The following SYT6 variants were observed in gnomAD, a reference collection of about 807,000 sequenced individuals.
SYT6 encodes synaptotagmin 6.
Under a neutral mutation model 38.4 loss-of-function variants are expected in SYT6, and 24 were observed. The observed-to-expected ratio is 0.62, with a 90% CI of 0.45 to 0.88. SYT6 has a LOEUF of 0.88. Ranked by LOEUF, SYT6 falls within the 40% of genes least tolerant of loss-of-function variation. SYT6 has a pLI of 0.00. For missense variants in SYT6, 611 were observed against 621.0 expected, an observed-to-expected ratio of 0.98 and a Z score of 0.17; for synonymous variants, 265 against 241.9, an observed-to-expected ratio of 1.10 and a Z score of -0.89.
At chr1:114,111,068 C>T (rs186299649) in intron 3 of SYT6, among the ~76,000 whole-genome samples, 1 of 152,142 alleles carries the variant, frequency 6.6e-6, no homozygotes, top group Non-Finnish European at 1.5e-5. Flanking sequence ...GGGCTCCCTC[C>T]TTGGAACTTT....
At chr1:114,139,594 A>G (rs764193970) in intron 2 of SYT6, 21 bp downstream of exon 2, 2 of 1,613,618 alleles carry the variant, frequency 1.2e-6, no homozygotes, top group East Asian at 4.5e-5. Context: ...GGGTCAGGGA[A>G]GGGAGTGGTC....
intron 1 of SYT6, among the ~76,000 whole-genome samples, chr1:114,142,035 C>T (rs561931966): frequency 6.6e-6 from 1 of 152,324 alleles, no homozygotes; most frequent in Non-Finnish European, 1.5e-5. Flanking sequence ...TGCAGATGTA[C>T]AAGGAGATAA....
intron 3 of SYT6, among the ~76,000 whole-genome samples, chr1:114,134,855 G>C (rs1678383406): frequency 6.6e-6 from 1 of 152,214 alleles, no homozygotes; most frequent in Non-Finnish European, 1.5e-5. Context: ...CATTGTGCTG[G>C]TATGGGAATT....
Position 114,089,406 on chromosome 1 carries a change from G to A in SYT6, c.*2728C>T, listed in dbSNP as rs933604342. 1.3e-5 allele frequency: 2 copies of A among 152,680 alleles called. No homozygotes were observed. Among genetic ancestry groups the A allele is most frequent in the African/African-American group, 2.4e-5 (1 of 41,440 alleles). The allele number at this position is 152,680 out of a possible 1,614,324, so 9.5% of individuals were successfully genotyped here. On this transcript the variant is annotated 3_prime_UTR_variant, in exon 8 of 8. Transcript: ENST00000610222. ...TTAAATGACAGTGCAATTAATTAACGTCCTGGGTAAGCGCAGAGGGGGAGG... is the reference window on the plus strand; with the variant it reads ...TTAAATGACAGTGCAATTAATTAACATCCTGGGTAAGCGCAGAGGGGGAGG...
intron 5 of SYT6, 72 bp from the exon 6 acceptor site, chr1:114,097,949 G>A (rs1452426865): frequency 6.4e-7 from 1 of 1,562,830 alleles, no homozygotes; most frequent in African/African-American, 1.4e-5. Context: ...AGTGTGGGGG[G>A]TGGTAGGACT....
intron 1 of SYT6, among the ~76,000 whole-genome samples, chr1:114,150,494 C>T (rs1679390327): frequency 6.6e-6 from 1 of 152,100 alleles, no homozygotes; most frequent in Non-Finnish European, 1.5e-5. Flanking sequence ...ATTTCATGGC[C>T]ACAAGTAAAC....
chr1:114,092,338 C>CTGTG (rs57240903), intron 7 of SYT6, among the ~76,000 whole-genome samples: 26 of 128,566 alleles, frequency 2.0e-4, no homozygotes, highest in South Asian at 6.9e-4. Context: ...CTCTCTCTCT[C>CTGTG]TGTGTGTGTG....
Position 114,090,000 on chromosome 1 carries a change from C to T in SYT6, c.*2134G>A, listed in dbSNP as rs1485355858. 2 of 152,362 alleles carry T rather than the reference C, an allele frequency of 1.3e-5. No individual in the cohort carries two copies. Among genetic ancestry groups the T allele is most frequent in the South Asian group, 2.1e-4 (1 of 4,826 alleles). 9.4% of individuals were successfully genotyped at this position (152,362 alleles called of 1,614,324 possible). A position where few individuals can be genotyped will look rare whatever the true frequency, so the allele number is the denominator to read the frequency against. ...GGTTAGAATGGGTTATACTCACCTG[C>T]CTAAGGGTTTAACGATGACAGCTGG... On this transcript the variant is annotated 3_prime_UTR_variant, in exon 8 of 8. Transcript: ENST00000610222.
At chr1:114,127,148 GC>G (rs1242429452) in intron 3 of SYT6, among the ~76,000 whole-genome samples, 1 of 152,208 alleles carries the variant, frequency 6.6e-6, no homozygotes, top group Non-Finnish European at 1.5e-5. Flanking sequence ...GAAACCTTTA[GC>G]CCCCTGGAGC....
chr1:114,128,165 C>T (rs1271734649), intron 3 of SYT6, among the ~76,000 whole-genome samples: 1 of 152,236 alleles, frequency 6.6e-6, no homozygotes, highest in Non-Finnish European at 1.5e-5. Flanking sequence ...GACTCAGGCA[C>T]ACCTTTACAC....
intron 3 of SYT6, among the ~76,000 whole-genome samples, chr1:114,106,110 G>T (rs1277852365): frequency 1.3e-5 from 2 of 152,130 alleles, no homozygotes; most frequent in African/African-American, 4.8e-5. Context: ...CTGCGGCAGG[G>T]GGCAGATCAG....
intron 3 of SYT6, among the ~76,000 whole-genome samples, chr1:114,120,608 T>C (rs1677329348): frequency 6.6e-6 from 1 of 152,254 alleles, no homozygotes; most frequent in Non-Finnish European, 1.5e-5. Context: ...TTTTTATTAC[T>C]TGCTGTGCAA....
chr1:114,130,043 C>A (rs1012991956), intron 3 of SYT6, among the ~76,000 whole-genome samples: 5 of 151,950 alleles, frequency 3.3e-5, no homozygotes, highest in Non-Finnish European at 7.4e-5. Flanking sequence ...TTTCTCTCTG[C>A]CTGGACCTCT....
At chr1:114,153,554 AG>A in intron 1 of SYT6, 55 bp downstream of exon 1, 1 of 571,600 alleles carries the variant, frequency 1.7e-6, no homozygotes, top group Non-Finnish European at 3.1e-6. Context: ...GCTTTGGGGA[AG>A]GGAGATCGCA....
intron 1 of SYT6, among the ~76,000 whole-genome samples, chr1:114,145,508 T>G (rs1327000930): frequency 2.6e-5 from 3 of 114,328 alleles, no homozygotes; most frequent in African/African-American, 8.4e-5. Flanking sequence ...TTAAGTTTTT[T>G]TTTTTTTTTT....
chr1:114,114,661 TG>T (rs1463645304), intron 3 of SYT6, among the ~76,000 whole-genome samples: 2 of 152,188 alleles, frequency 1.3e-5, no homozygotes, highest in Non-Finnish European at 2.9e-5. Flanking sequence ...GGGGCCTGGA[TG>T]TTTGCATTAT....
At chr1:114,149,118 C>T (rs1679302785) in intron 1 of SYT6, among the ~76,000 whole-genome samples, 1 of 149,044 alleles carries the variant, frequency 6.7e-6, no homozygotes, top group African/African-American at 2.5e-5. Context: ...CCCTGGAAAG[C>T]TGACACTTCA....
At chr1:114,123,611 TTCC>T (rs1677548850) in intron 3 of SYT6, among the ~76,000 whole-genome samples, 1 of 152,216 alleles carries the variant, frequency 6.6e-6, no homozygotes, top group Non-Finnish European at 1.5e-5. Context: ...TTCTCCGTCT[TTCC>T]TTTTGGGTTT....
At chr1:114,145,942 G>T (rs963484093) in intron 1 of SYT6, among the ~76,000 whole-genome samples, 4 of 152,154 alleles carry the variant, frequency 2.6e-5, no homozygotes, top group Non-Finnish European at 1.5e-5. Context: ...TTGCTATTTA[G>T]ATTGCCTCTC....
Sources: allele counts gnomAD v4.1 joint callset (sites outside exome capture counted in the v4.1 genomes callset), GRCh38; gene constraint gnomAD v4.1.1; transcripts MANE v1.5; gene names NCBI Gene and HGNC (gene_info 2026-07-23, HGNC 2026-07-21).